Variants in SCPEP1 observed in about 807,000 individuals in gnomAD.
The protein encoded by SCPEP1 is retinoid-inducible serine carboxypeptidase.
A neutral mutation model predicts 63.8 loss-of-function variants in SCPEP1; 51 were observed. That is an observed-to-expected ratio of 0.80 (90% CI 0.64 to 1.01). The LOEUF is 1.01. Among genes scored for constraint, SCPEP1 ranks in the 50% least tolerant of loss-of-function variants. The pLI, the probability that SCPEP1 is intolerant of heterozygous loss-of-function variation, is 0.00. For synonymous variants in SCPEP1, 204 were observed against 207.8 expected, an observed-to-expected ratio of 0.98 and a Z score of 0.16; for missense variants, 499 against 554.9, an observed-to-expected ratio of 0.90 and a Z score of 1.01.
chr17:56,985,255 T>A (rs1914007852), intron 2 of SCPEP1, 123 bp from the exon 3 acceptor site: 1 of 717,040 alleles, frequency 1.4e-6, no homozygotes, highest in Non-Finnish European at 2.4e-6. Context: ...AGAGAAATTG[T>A]GTCTTTTGTG....
chr17:56,986,454 G>A (rs998677372), intron 3 of SCPEP1, among the ~76,000 whole-genome samples: 1 of 151,862 alleles, frequency 6.6e-6, no homozygotes, highest in African/African-American at 2.4e-5. Context: ...TCTTGACCTC[G>A]TGATCCACCT....
chr17:56,981,650 A>G (rs1029540642), intron 2 of SCPEP1, among the ~76,000 whole-genome samples: 1 of 152,142 alleles, frequency 6.6e-6, no homozygotes, highest in African/African-American at 2.4e-5. Flanking sequence ...CGCTGTCTCT[A>G]CTAAAAATAT....
At chr17:56,979,222 C>T (rs191333722) in intron 1 of SCPEP1, among the ~76,000 whole-genome samples, 4 of 152,292 alleles carry the variant, frequency 2.6e-5, no homozygotes, top group Admixed American at 2.0e-4. Flanking sequence ...CTGCCTGACT[C>T]AAGTGATCTT....
chr17:56,988,151 ATTAAT>A (rs1911279798), intron 4 of SCPEP1, 60 bp from the exon 5 acceptor site: 1 of 1,320,396 alleles, frequency 7.6e-7, no homozygotes, highest in South Asian at 1.3e-5. Context: ...GAAATTTGAA[ATTAAT>A]TTGTGTGACT....
At chr17:57,006,016 C>T (rs1028432137) in intron 12 of SCPEP1, among the ~76,000 whole-genome samples, 157 bp from the exon 13 acceptor site, 5 of 152,230 alleles carry the variant, frequency 3.3e-5, no homozygotes, top group African/African-American at 1.2e-4. Context: ...GAGTCATTTT[C>T]AGGAAGGACC....
intron 12 of SCPEP1, among the ~76,000 whole-genome samples, chr17:57,005,279 T>C (rs541058682): frequency 3.9e-5 from 6 of 152,236 alleles, no homozygotes; most frequent in Non-Finnish European, 8.8e-5. Flanking sequence ...ACGAGGCTGG[T>C]AGGAAGGCAT....
At chr17:56,998,323 A>AG (rs1382517967) in intron 9 of SCPEP1, 62 bp from the exon 10 acceptor site, 1 of 1,184,102 alleles carries the variant, frequency 8.4e-7, no homozygotes, top group East Asian at 2.4e-5. Context: ...AAAAAAAAAA[A>AG]AAGATGTCCT....
rs200804204 is a variant in SCPEP1 at position 56,990,341 on chromosome 17, G to GT, written c.547-750dup. 2.0e-3 allele frequency among the ~76,000 whole-genome samples: 308 copies of GT among 152,004 alleles called. 1 individual carries two copies. The highest frequency in any genetic ancestry group is 6.3e-3 in the African/African-American group (262 of 41,454). Reference sequence around the variant, plus strand: ...TGAATATCAGTGAGCTTAAATAAGGGTTTTTTTTAAGATTTATTAATTTAA... The same window carrying GT: ...TGAATATCAGTGAGCTTAAATAAGGGTTTTTTTTTAAGATTTATTAATTTAA... On this transcript the variant is annotated intron_variant, in intron 5 of 12. Coordinates refer to ENST00000262288, the MANE Select transcript of SCPEP1 (RefSeq NM_021626.3).
chr17:57,006,547 A>G lies in SCPEP1; in HGVS notation c.*312A>G. ...GATTTATAGAAAAACTGGGAAATAC[A>G]GGTACCCAAAGAGTAAATCAACATC... On this transcript the variant is annotated 3_prime_UTR_variant, in exon 13 of 13. Coordinates refer to ENST00000262288, the MANE Select transcript of SCPEP1 (RefSeq NM_021626.3). 1 of 191,378 alleles carries G rather than the reference A, an allele frequency of 5.2e-6. No individual in the cohort carries two copies. Among genetic ancestry groups the G allele is most frequent in the East Asian group, 1.2e-4 (1 of 8,016 alleles). The allele number at this position is 191,378 out of a possible 1,614,324, so 11.9% of individuals were successfully genotyped here.
intron 12 of SCPEP1, among the ~76,000 whole-genome samples, chr17:57,003,577 T>C (rs1911804437): frequency 6.6e-6 from 1 of 152,040 alleles, no homozygotes; most frequent in South Asian, 2.1e-4. Context: ...TGAGTTTGAA[T>C]TGCCTATAGA....
At chr17:56,994,679 C>T (rs1567867459) in intron 6 of SCPEP1, among the ~76,000 whole-genome samples, 1 of 152,218 alleles carries the variant, frequency 6.6e-6, no homozygotes, top group Non-Finnish European at 1.5e-5. Context: ...ATACCTACAG[C>T]CTGCCTGTGG....
intron 12 of SCPEP1, 75 bp downstream of exon 12, chr17:57,002,256 C>A: frequency 2.0e-6 from 3 of 1,466,394 alleles, no homozygotes; most frequent in Admixed American, 1.8e-5. Context: ...ATGCCTCTGT[C>A]CACTGCCCAG....
At chr17:57,005,035 G>A (rs553071616) in intron 12 of SCPEP1, among the ~76,000 whole-genome samples, 28 of 152,316 alleles carry the variant, frequency 1.8e-4, no homozygotes, top group Middle Eastern at 3.4e-3. Context: ...AGCAGCTTTC[G>A]GTCTCTACCT....
At chr17:56,989,738 G>A (rs1403145643) in intron 5 of SCPEP1, among the ~76,000 whole-genome samples, 2 of 152,200 alleles carry the variant, frequency 1.3e-5, no homozygotes, top group Non-Finnish European at 2.9e-5. Context: ...CTTGAGGTTA[G>A]GAGTTGGAGA....
rs903290126 is a variant in SCPEP1 at position 56,987,383 on chromosome 17, A to G, written c.316-312A>G. On this transcript the variant is annotated intron_variant, in intron 3 of 12. Coordinates refer to ENST00000262288, the MANE Select transcript of SCPEP1 (RefSeq NM_021626.3). The stretch of plus-strand genomic sequence containing the variant: ...GCTTCTTTCTGCGCTAGTTTATTAC[A>G]TTTAGTACATTTGTATTGTATGAAA... 1.8e-5 allele frequency: 4 copies of G among 228,052 alleles called. No individual in the cohort carries two copies. In the East Asian group the frequency reaches 3.2e-4, roughly 18 times the overall value. The allele number at this position is 228,052 out of a possible 1,614,324, so 14.1% of individuals were successfully genotyped here.
At position 56,987,702 on chromosome 17, in the gene SCPEP1, C is replaced by T; in HGVS notation, c.323C>T (p.Ala108Val). ...TTCCTCCGTGGTACATAGCTCCAGG[C>T]TGCCAGTCTCCTATTTGTGGATAAT... ...LKPRKTTWLQAASLLFVDNPV... is the reference protein window; with the variant it reads ...LKPRKTTWLQVASLLFVDNPV... Residue 108 changes from alanine (A) to valine (V), a missense_variant, in exon 4 of 13, where the codon GCT (alanine) becomes GTT (valine). Ala to Val is a moderately conservative substitution (Grantham distance 64). Transcript: ENST00000262288. 6.2e-7 allele frequency: 1 copy of T among 1,613,450 alleles called. No homozygotes were observed.
At chr17:56,988,127 C>A in intron 4 of SCPEP1, 89 bp from the exon 5 acceptor site, 2 of 1,087,446 alleles carry the variant, frequency 1.8e-6, no homozygotes, top group South Asian at 1.5e-5. Context: ...TTTTTCTGGT[C>A]ATTACGTGCA....
At chr17:56,996,516 T>C (rs1361534078) in intron 8 of SCPEP1, among the ~76,000 whole-genome samples, 1 of 150,634 alleles carries the variant, frequency 6.6e-6, no homozygotes, top group African/African-American at 2.4e-5. Context: ...CTTTTTCCTT[T>C]CTTTCTTTTT....
At chr17:56,989,063 G>T (rs1294322047) in intron 5 of SCPEP1, among the ~76,000 whole-genome samples, 1 of 152,046 alleles carries the variant, frequency 6.6e-6, no homozygotes, top group African/African-American at 2.4e-5. Context: ...AGTGGCTCCT[G>T]GCTGTAATCC....
Sources: gnomAD v4.1 joint callset for allele counts (sites outside exome capture counted in the v4.1 genomes callset) on GRCh38, gnomAD v4.1.1 for gene constraint, MANE v1.5 for transcripts, NCBI Gene and HGNC (gene_info 2026-07-23, HGNC 2026-07-21) for gene names.